Variants in DCLK1 observed in about 807,000 individuals in gnomAD.
DCLK1 encodes doublecortin like kinase 1, also known as serine/threonine-protein kinase DCLK1.
A neutral mutation model predicts 86.2 loss-of-function variants in DCLK1; 16 were observed. That is an observed-to-expected ratio of 0.19 (90% CI 0.13 to 0.28). The LOEUF (loss-of-function observed/expected upper bound fraction) is 0.28. DCLK1 is among the 10% of genes least tolerant of loss of function. The probability of loss-of-function intolerance (pLI) is 1.00; values close to 1 mark genes in which losing one functional copy is unlikely to be tolerated. For missense variants in DCLK1, 590 were observed against 940.2 expected, an observed-to-expected ratio of 0.63 and a Z score of 4.87; for synonymous variants, 369 against 370.5, an observed-to-expected ratio of 1.00 and a Z score of 0.05.
Position 35,947,455 on chromosome 13 carries a change from C to T in DCLK1, c.726G>A (p.Val242=). 1.2e-6 allele frequency: 2 copies of T among 1,613,186 alleles called. No individual in the cohort carries two copies. Among genetic ancestry groups the T allele is most frequent in the Non-Finnish European group, 1.7e-6 (2 of 1,179,348 alleles). ...KRLYTLDGKQ[V]MCLQDFFGDD... is the part of the protein sequence containing the mutation. Reference sequence around the variant, plus strand: ...CACCAAAAAAGTCCTGAAGGCACATCACCTACAAGAGAAAAGCATGGCACT... The same window carrying T: ...CACCAAAAAAGTCCTGAAGGCACATTACCTACAAGAGAAAAGCATGGCACT... The change falls in exon 4 of 17, where the codon GTG becomes GTA. Residue 242 remains valine, a splice_region_variant and synonymous_variant. Transcript: ENST00000360631.
intron 4 of DCLK1, among the ~76,000 whole-genome samples, chr13:35,889,939 T>TA (rs569628712): frequency 1.1e-3 from 168 of 152,300 alleles, no homozygotes; most frequent in African/African-American, 3.7e-3. Flanking sequence ...ATGTAGATTA[T>TA]AAAACAGTAT....
At chr13:35,800,723 T>C (rs984105316) in intron 15 of DCLK1, among the ~76,000 whole-genome samples, 19 of 152,224 alleles carry the variant, frequency 1.2e-4, no homozygotes, top group African/African-American at 4.3e-4. Context: ...TTCTTTTTGT[T>C]TGTTTGTTTT....
At chr13:35,875,278 T>G (rs1872530085) in intron 4 of DCLK1, among the ~76,000 whole-genome samples, 1 of 152,222 alleles carries the variant, frequency 6.6e-6, no homozygotes, top group African/African-American at 2.4e-5. Context: ...AAACAATGAT[T>G]TTAAAAGCTC....
At chr13:36,045,376 A>T (rs1326644852) in intron 3 of DCLK1, among the ~76,000 whole-genome samples, 6 of 116,122 alleles carry the variant, frequency 5.2e-5, no homozygotes, top group African/African-American at 5.8e-5. Context: ...ATATATATAT[A>T]TTTCAAGGTA....
intron 4 of DCLK1, among the ~76,000 whole-genome samples, chr13:35,903,882 T>G (rs1039590416): frequency 6.6e-6 from 1 of 152,310 alleles, no homozygotes; most frequent in Non-Finnish European, 1.5e-5. Context: ...TTGATTGACC[T>G]AACAATATCA....
chr13:36,100,009 C>T (rs943965414), intron 3 of DCLK1, among the ~76,000 whole-genome samples: 10 of 151,852 alleles, frequency 6.6e-5, no homozygotes, highest in Non-Finnish European at 1.2e-4. Flanking sequence ...ACCAATTTGA[C>T]ACACAATGTA....
At chr13:35,880,555 C>A (rs1452614951) in intron 4 of DCLK1, among the ~76,000 whole-genome samples, 1 of 152,192 alleles carries the variant, frequency 6.6e-6, no homozygotes, top group Non-Finnish European at 1.5e-5. Context: ...CAACCTTAGT[C>A]ATTAAGCCTG....
At chr13:35,784,438 A>T (rs538293582) in intron 16 of DCLK1, among the ~76,000 whole-genome samples, 1 of 152,316 alleles carries the variant, frequency 6.6e-6, no homozygotes, top group African/African-American at 2.4e-5. Flanking sequence ...TGTAATGCAG[A>T]TGTTTCACCA....
chr13:35,809,746 T>C (rs1288979546), intron 12 of DCLK1, among the ~76,000 whole-genome samples: 1 of 152,190 alleles, frequency 6.6e-6, no homozygotes, highest in Non-Finnish European at 1.5e-5. Flanking sequence ...GACAAGGCTA[T>C]GGATGTGGGC....
At chr13:36,051,692 C>T (rs759927104) in intron 3 of DCLK1, among the ~76,000 whole-genome samples, 18 of 152,008 alleles carry the variant, frequency 1.2e-4, no homozygotes, top group Non-Finnish European at 2.1e-4. Flanking sequence ...CTGATTTAAG[C>T]GAAGAATGGT....
At chr13:35,903,592 G>C (rs2153122932) in intron 4 of DCLK1, among the ~76,000 whole-genome samples, 1 of 152,018 alleles carries the variant, frequency 6.6e-6, no homozygotes, top group African/African-American at 2.4e-5. Flanking sequence ...TAAGGAACAG[G>C]ATATCATATT....
At chr13:36,094,782 T>A (rs1021331259) in intron 3 of DCLK1, among the ~76,000 whole-genome samples, 28 of 152,106 alleles carry the variant, frequency 1.8e-4, no homozygotes, top group Non-Finnish European at 1.3e-4. Context: ...GAAGAAACAA[T>A]TTCGGGCCAG....
rs79317950 is a variant in DCLK1, at chr13:36,089,261, T to C, written c.723+22608A>G. Among the ~76,000 whole-genome samples, 761 of 152,310 alleles carry C rather than the reference T, an allele frequency of 5.0e-3. 8 individuals are homozygous for C. Among genetic ancestry groups the C allele is most frequent in the African/African-American group, 0.018 (734 of 41,570 alleles). On this transcript the variant is annotated intron_variant, in intron 3 of 16. Transcript: ENST00000360631. The stretch of plus-strand genomic sequence containing the variant: ...CTGCGAATAAATATGTAAGCTCTCC[T>C]CTACTTGATGAGAAAACCTCACATT...
At chr13:35,929,428 G>C (rs570348909) in intron 4 of DCLK1, among the ~76,000 whole-genome samples, 1 of 152,328 alleles carries the variant, frequency 6.6e-6, no homozygotes, top group East Asian at 1.9e-4. Flanking sequence ...TAGTTGGGCA[G>C]GGAGCTCTGT....
intron 1 of DCLK1, among the ~76,000 whole-genome samples, chr13:36,129,865 C>G (rs1886305500): frequency 6.6e-6 from 1 of 152,118 alleles, no homozygotes; most frequent in Non-Finnish European, 1.5e-5. Flanking sequence ...CCTGATTGTT[C>G]TCGGTGGGAT....
At chr13:36,006,490 T>C (rs188923192) in intron 3 of DCLK1, among the ~76,000 whole-genome samples, 11 of 152,382 alleles carry the variant, frequency 7.2e-5, no homozygotes, top group Non-Finnish European at 2.9e-5. Flanking sequence ...ATTTATATTT[T>C]AGCAATTCAA....
intron 4 of DCLK1, among the ~76,000 whole-genome samples, chr13:35,942,629 C>T (rs1401253088): frequency 1.3e-5 from 2 of 152,198 alleles, no homozygotes; most frequent in African/African-American, 2.4e-5. Context: ...TCCTCCGGCA[C>T]ATTTGACATC....
rs1884236153 is a variant in DCLK1, at chr13:36,076,974, T to A, written c.723+34895A>T. ...ACCTTCCTTGTCTATATAATAGATA[T>A]GATAATGCCCCCAGTGGAAAGCTGG... On this transcript the variant is annotated intron_variant, in intron 3 of 16. Transcript: ENST00000360631. Among the ~76,000 whole-genome samples, 3 of 152,146 alleles carry A rather than the reference T, an allele frequency of 2.0e-5. No individual in the cohort carries two copies. The South Asian group carries it at 6.2e-4, about 31-fold the overall frequency.
intron 3 of DCLK1, among the ~76,000 whole-genome samples, chr13:36,109,842 A>G (rs571836415): frequency 6.6e-6 from 1 of 152,368 alleles, no homozygotes; most frequent in African/African-American, 2.4e-5. Flanking sequence ...ACTAGCCATT[A>G]TCAAATATTA....
Sources: allele counts gnomAD v4.1 joint callset (sites outside exome capture counted in the v4.1 genomes callset), GRCh38; gene constraint gnomAD v4.1.1; transcripts MANE v1.5; gene names NCBI Gene and HGNC (gene_info 2026-07-23, HGNC 2026-07-21).